The following FAM168A variants were observed in gnomAD, a reference collection of about 807,000 sequenced individuals.
FAM168A encodes family with sequence similarity 168 member A.
In FAM168A, 3 loss-of-function variants were observed where a neutral mutation model predicts 28.5. The ratio of observed to expected loss-of-function variants is 0.11; its 90% CI spans 0.05 to 0.27. The LOEUF is 0.27. Among genes scored for constraint, FAM168A ranks in the 10% least tolerant of loss-of-function variants. The pLI is 1.00. For missense variants in FAM168A, 222 were observed against 311.5 expected (o/e 0.71, Z 2.16); for synonymous variants, 122 against 124.2 (o/e 0.98, Z 0.12).
intron 2 of FAM168A, among the ~76,000 whole-genome samples, chr11:73,462,645 G>T (rs1867667265): frequency 6.6e-6 from 1 of 152,160 alleles, no homozygotes; most frequent in Non-Finnish European, 1.5e-5. Flanking sequence ...TGAGGCCAAG[G>T]CAAGTGGTTC....
intron 1 of FAM168A, among the ~76,000 whole-genome samples, chr11:73,590,790 T>TA (rs1944371847): frequency 6.6e-6 from 1 of 152,172 alleles, no homozygotes; most frequent in Admixed American, 6.6e-5. Context: ...CTTTTTTTTT[T>TA]AAACAGCTCC....
At chr11:73,534,205 C>T (rs1437717555) in intron 1 of FAM168A, among the ~76,000 whole-genome samples, 3 of 151,908 alleles carry the variant, frequency 2.0e-5, no homozygotes, top group African/African-American at 4.8e-5. Flanking sequence ...GAAATGGAGA[C>T]GAGCAATAGC....
chr11:73,449,635 C>T (rs532679119), intron 2 of FAM168A, among the ~76,000 whole-genome samples: 39 of 152,272 alleles, frequency 2.6e-4, no homozygotes, highest in South Asian at 1.9e-3. Context: ...CACACTAAGG[C>T]GGGAAGAGGG....
chr11:73,490,870 T>G (rs1371015274), intron 1 of FAM168A, among the ~76,000 whole-genome samples: 1 of 152,178 alleles, frequency 6.6e-6, no homozygotes, highest in Non-Finnish European at 1.5e-5. Flanking sequence ...GTAAGCTCCA[T>G]GGTGATTCAG....
At chr11:73,457,754 A>T (rs1867567054) in intron 2 of FAM168A, among the ~76,000 whole-genome samples, 1 of 129,504 alleles carries the variant, frequency 7.7e-6, no homozygotes, top group Admixed American at 7.2e-5. Context: ...AAAAAAAGAA[A>T]AGAAAAGAAA....
chr11:73,445,419 C>CTTT lies in FAM168A; in HGVS notation c.71-14652_71-14650dup, dbSNP rs56294455. ...CCAGTAGATATATGTAAAAATGTCT[C>CTTT]TTTTTTTTTTTTTTTTTTTTTTTTT... On this transcript the variant is annotated intron_variant, in intron 2 of 7. Coordinates refer to ENST00000356467, the MANE Select transcript of FAM168A (RefSeq NM_015159.3). 3.5e-3 allele frequency among the ~76,000 whole-genome samples: 179 copies of CTTT among 50,458 alleles called. 17 individuals carry two copies. Among genetic ancestry groups the CTTT allele is most frequent in the South Asian group, 0.015 (14 of 948 alleles). The allele number at this position is 50,458 out of a possible 152,430, so 33.1% of individuals were successfully genotyped here.
chr11:73,531,971 ATTT>A (rs1016007383), intron 1 of FAM168A, among the ~76,000 whole-genome samples: 4 of 123,474 alleles, frequency 3.2e-5, no homozygotes, highest in Admixed American at 8.4e-5. Flanking sequence ...TGCCTGGCTA[ATTT>A]TTTTTTTTTT....
rs1013515906 is a variant in FAM168A at position 73,411,545 on chromosome 11, A to G, written c.278-9T>C. 6.2e-7 allele frequency: 1 copy of G among 1,614,032 alleles called. No homozygotes were observed. The highest frequency in any genetic ancestry group is 8.5e-7 in the Non-Finnish European group (1 of 1,179,984). On this transcript the variant is annotated splice_polypyrimidine_tract_variant and intron_variant, in intron 4 of 7. Transcript: ENST00000356467. ...TGTCCCCGCAGTATATCCTGTACCA[A>G]GGCAATAAGAGAGACTTCCAGTTAG...
intron 1 of FAM168A, among the ~76,000 whole-genome samples, chr11:73,562,781 G>A (rs1010538781): frequency 6.6e-6 from 1 of 152,038 alleles, no homozygotes; most frequent in Non-Finnish European, 1.5e-5. Context: ...AGCCAAGATC[G>A]CACCACTGCA....
rs371445065 is a variant in FAM168A, at chr11:73,569,291, T to C, written c.-19+28632A>G. 5.3e-4 allele frequency among the ~76,000 whole-genome samples: 80 copies of C among 152,266 alleles called. 2 individuals are homozygous for C. Among genetic ancestry groups the C allele is most frequent in the Admixed American group, 2.9e-3 (45 of 15,296 alleles). ...TTTCAGTCATGCATTCCCTCAGCAA[T>C]CATTATGGAAAACACACTGTTGCCA... On this transcript the variant is annotated intron_variant, in intron 1 of 7. Coordinates refer to ENST00000356467, the MANE Select transcript of FAM168A (RefSeq NM_015159.3).
intron 1 of FAM168A, among the ~76,000 whole-genome samples, chr11:73,585,471 T>C (rs912250348): frequency 5.9e-5 from 9 of 152,224 alleles, no homozygotes; most frequent in Non-Finnish European, 1.2e-4. Flanking sequence ...GCAGTATGTA[T>C]TTCTAAAGAG....
intron 1 of FAM168A, among the ~76,000 whole-genome samples, chr11:73,504,221 T>C (rs1855065032): frequency 6.6e-6 from 1 of 152,084 alleles, no homozygotes; most frequent in Admixed American, 6.5e-5. Flanking sequence ...ACAAGCAACC[T>C]ACAGAATGGG....
At chr11:73,528,733 A>G (rs1943479244) in intron 1 of FAM168A, among the ~76,000 whole-genome samples, 1 of 152,176 alleles carries the variant, frequency 6.6e-6, no homozygotes, top group Admixed American at 6.5e-5. Context: ...GCAAGTAATG[A>G]GACCAGGGTC....
chr11:73,467,400 A>G (rs78860115), intron 2 of FAM168A, among the ~76,000 whole-genome samples: 12,495 of 151,796 alleles, frequency 0.082, 1,574 homozygotes, highest in African/African-American at 0.27. Context: ...ATTCTCTGAC[A>G]GAGCTGGGAT....
chr11:73,412,785 C>T (rs569442581), intron 4 of FAM168A, among the ~76,000 whole-genome samples: 3 of 152,306 alleles, frequency 2.0e-5, no homozygotes, highest in East Asian at 3.9e-4. Context: ...GTAAGTCTAG[C>T]AGACCTCACT....
intron 2 of FAM168A, among the ~76,000 whole-genome samples, chr11:73,455,247 A>G (rs1029542669): frequency 6.6e-6 from 1 of 152,206 alleles, no homozygotes; most frequent in African/African-American, 2.4e-5. Flanking sequence ...AGGGTTGAGC[A>G]TGGCGAGCTG....
chr11:73,424,326 A>G (rs1309873868), intron 3 of FAM168A, among the ~76,000 whole-genome samples: 1 of 152,206 alleles, frequency 6.6e-6, no homozygotes, highest in Non-Finnish European at 1.5e-5. Flanking sequence ...GAGGGTGGTG[A>G]AAGTTGCAAG....
At chr11:73,470,481 T>G (rs893686765) in intron 1 of FAM168A, among the ~76,000 whole-genome samples, 1 of 152,200 alleles carries the variant, frequency 6.6e-6, no homozygotes, top group African/African-American at 2.4e-5. Flanking sequence ...GATGTGGGAC[T>G]GTTAAAAGGT....
At chr11:73,552,905 C>T (rs962049346) in intron 1 of FAM168A, among the ~76,000 whole-genome samples, 9 of 152,094 alleles carry the variant, frequency 5.9e-5, no homozygotes, top group Admixed American at 4.6e-4. Flanking sequence ...TGCAGTGAGC[C>T]GAGATCGCGC....
Sources: allele counts gnomAD v4.1 joint callset (sites outside exome capture counted in the v4.1 genomes callset), GRCh38; gene constraint gnomAD v4.1.1; transcripts MANE v1.5; gene names NCBI Gene and HGNC (gene_info 2026-07-23, HGNC 2026-07-21).